Variants in SEL1L observed in about 807,000 individuals in gnomAD.
The protein encoded by SEL1L is protein sel-1 homolog 1.
Under a neutral mutation model 109.8 loss-of-function variants are expected in SEL1L, and 52 were observed. The ratio of observed to expected loss-of-function variants is 0.47; its 90% CI spans 0.38 to 0.60. The LOEUF is 0.60. SEL1L is among the 20% of genes least tolerant of loss of function. The pLI is 0.00. For synonymous variants in SEL1L, 373 were observed against 339.6 expected (o/e 1.10, Z -1.08); for missense variants, 749 against 962.2 (o/e 0.78, Z 2.93).
At chr14:81,522,062 T>A (rs1884928020) in intron 3 of SEL1L, among the ~76,000 whole-genome samples, 1 of 152,222 alleles carries the variant, frequency 6.6e-6, no homozygotes, top group African/African-American at 2.4e-5. Context: ...AGAATAAGGA[T>A]AATATATAAA....
intron 5 of SEL1L, 25 bp from the exon 6 acceptor site, chr14:81,502,908 C>A: frequency 5.1e-6 from 8 of 1,557,814 alleles, no homozygotes; most frequent in Non-Finnish European, 7.0e-6. Context: ...AATTAAAAAC[C>A]AAATTAGTAA....
chr14:81,490,663 G>T (rs560985161), intron 12 of SEL1L, among the ~76,000 whole-genome samples, 198 bp from the exon 13 acceptor site: 4 of 152,354 alleles, frequency 2.6e-5, no homozygotes, highest in Admixed American at 2.0e-4. Flanking sequence ...CACTTTGGGA[G>T]GCCAAGGTGG....
chr14:81,490,858 GC>G (rs1440700555), intron 12 of SEL1L, among the ~76,000 whole-genome samples: 2 of 152,194 alleles, frequency 1.3e-5, no homozygotes, highest in Non-Finnish European at 2.9e-5. Context: ...CTGACAGCTT[GC>G]TACTTCACTC....
At chr14:81,507,998 C>A (rs184218912) in intron 3 of SEL1L, among the ~76,000 whole-genome samples, 1 of 152,072 alleles carries the variant, frequency 6.6e-6, no homozygotes, top group South Asian at 2.1e-4. Context: ...AATAACAGTC[C>A]TTATTGTTTG....
intron 12 of SEL1L, among the ~76,000 whole-genome samples, chr14:81,491,005 T>C (rs1300677893): frequency 6.6e-6 from 1 of 152,244 alleles, no homozygotes; most frequent in Non-Finnish European, 1.5e-5. Flanking sequence ...ATTTATGACT[T>C]ATTTATAAAC....
rs1294819360 is a variant in SEL1L, at chr14:81,525,201, C to T, written c.340+1532G>A. 5.3e-5 allele frequency among the ~76,000 whole-genome samples: 8 copies of T among 152,132 alleles called. No homozygotes were observed. The East Asian group carries it at 1.5e-3, about 29-fold the overall frequency. On this transcript the variant is annotated intron_variant, in intron 3 of 20. Coordinates refer to ENST00000336735, the MANE Select transcript of SEL1L (RefSeq NM_005065.6). Reference sequence around the variant, plus strand: ...AGCAGAATGTTGATGTTTATTGAAGCTGAGTGAGGGTTGGTAAGGGGTGTC... The same window carrying T: ...AGCAGAATGTTGATGTTTATTGAAGTTGAGTGAGGGTTGGTAAGGGGTGTC...
chr14:81,503,195 T>G (rs911812275), intron 5 of SEL1L, among the ~76,000 whole-genome samples: 2 of 152,112 alleles, frequency 1.3e-5, no homozygotes, highest in Admixed American at 1.3e-4. Context: ...TTTCACCATG[T>G]TGGTCAGGCT....
At chr14:81,513,904 C>T (rs1043551011) in intron 3 of SEL1L, among the ~76,000 whole-genome samples, 2 of 152,184 alleles carry the variant, frequency 1.3e-5, no homozygotes, top group Admixed American at 6.5e-5. Context: ...TGGCCATGAG[C>T]GGAACTCTCG....
At chr14:81,523,142 G>C (rs1030834094) in intron 3 of SEL1L, among the ~76,000 whole-genome samples, 1 of 152,246 alleles carries the variant, frequency 6.6e-6, no homozygotes, top group Non-Finnish European at 1.5e-5. Flanking sequence ...TTGGTGGCTG[G>C]AGGTTCCTAG....
rs964236408 is a variant in SEL1L at position 81,495,112 on chromosome 14, T to C, written c.1154A>G (p.His385Arg). The change falls in exon 11 of 21, where the codon CAC becomes CGC. Residue 385 changes from histidine to arginine, a missense_variant. Coordinates refer to ENST00000336735, the MANE Select transcript of SEL1L (RefSeq NM_005065.6). ...AQVGLGQLHL[H>R]GGRGVEQNHQ... The stretch of plus-strand genomic sequence containing the variant: ...ATTCTGTTCTACTCCACGCCCTCCG[T>C]GCAGGTGCAGTTGTCCAAGACCAAC... 1.2e-6 allele frequency: 2 copies of C among 1,614,100 alleles called. No individual in the cohort carries two copies. Among genetic ancestry groups the C allele is most frequent in the Non-Finnish European group, 8.5e-7 (1 of 1,180,008 alleles).
At chr14:81,521,889 T>G (rs1450880759) in intron 3 of SEL1L, among the ~76,000 whole-genome samples, 1 of 152,164 alleles carries the variant, frequency 6.6e-6, no homozygotes, top group East Asian at 1.9e-4. Flanking sequence ...TGCCTGTTAA[T>G]GGCCCTGAAG....
chr14:81,529,591 T>C (rs1389678713), intron 1 of SEL1L, among the ~76,000 whole-genome samples: 3 of 152,228 alleles, frequency 2.0e-5, no homozygotes, highest in Admixed American at 6.5e-5. Flanking sequence ...AAACGTGTTT[T>C]CAAACTCCAA....
intron 3 of SEL1L, among the ~76,000 whole-genome samples, chr14:81,522,518 G>C (rs559923279): frequency 3.9e-5 from 6 of 152,334 alleles, no homozygotes; most frequent in Non-Finnish European, 8.8e-5. Flanking sequence ...AGCTGTAGAA[G>C]TTTGTAGCCT....
At chr14:81,494,136 C>G (rs1011228198) in intron 11 of SEL1L, among the ~76,000 whole-genome samples, 1 of 152,144 alleles carries the variant, frequency 6.6e-6, no homozygotes, top group Non-Finnish European at 1.5e-5. Context: ...GAACATATCC[C>G]TAAAATCTTC....
chr14:81,511,509 C>T (rs1339518702), intron 3 of SEL1L, among the ~76,000 whole-genome samples: 2 of 152,204 alleles, frequency 1.3e-5, no homozygotes, highest in African/African-American at 2.4e-5. Context: ...CTGGGATCTA[C>T]AAGGATGGTC....
chr14:81,488,345 C>T (rs1883402735), intron 14 of SEL1L, among the ~76,000 whole-genome samples: 1 of 152,100 alleles, frequency 6.6e-6, no homozygotes, highest in Admixed American at 6.6e-5. Context: ...AACACTATGA[C>T]TATTATACTT....
chr14:81,489,450 TTTC>T (rs1447068652), intron 13 of SEL1L, 136 bp from the exon 14 acceptor site: 12 of 700,140 alleles, frequency 1.7e-5, no homozygotes, highest in East Asian at 2.7e-5. Flanking sequence ...AAAACAAAAC[TTTC>T]TTCTTCTCAT....
chr14:81,479,110 G>A (rs1028553062), intron 20 of SEL1L, among the ~76,000 whole-genome samples: 3 of 152,130 alleles, frequency 2.0e-5, no homozygotes, highest in Non-Finnish European at 4.4e-5. Flanking sequence ...TTCCTATATA[G>A]GTTCTTCCAT....
rs769622742 is a variant in SEL1L, at chr14:81,477,168, A to C, written c.2189T>G (p.Phe730Cys). ...AAGCTGGTCCATATCAAGTTGGGTG[A>C]ACATATCTCGAATCTTAATGAAAAT... ...YIRETNIRDMFTQLDMDQLLG... is the reference protein window; with the variant it reads ...YIRETNIRDMCTQLDMDQLLG... The change falls in exon 21 of 21, where the codon TTC becomes TGC. Residue 730 changes from phenylalanine to cysteine, a missense_variant. This residue lies in a region of SEL1L where 383 missense variants were observed against 562.5 expected (regional missense o/e 0.68). Coordinates refer to ENST00000336735, the MANE Select transcript of SEL1L (RefSeq NM_005065.6). The C allele has an allele frequency of 3.8e-5, 61 of 1,613,614 alleles. No individual in the cohort carries two copies. The highest frequency in any genetic ancestry group is 5.2e-5 in the Non-Finnish European group (61 of 1,179,656).
Sources: gnomAD v4.1 joint callset for allele counts (sites outside exome capture counted in the v4.1 genomes callset) on GRCh38, gnomAD v4.1.1 for gene constraint, gnomAD v4.1.1 regional missense constraint, MANE v1.5 for transcripts, NCBI Gene and HGNC (gene_info 2026-07-23, HGNC 2026-07-21) for gene names.